Variants in THOC5 observed in about 807,000 individuals in gnomAD.
The protein encoded by THOC5 is THO complex subunit 5, also known as Fms-interacting protein.
Under a neutral mutation model 92.9 loss-of-function variants are expected in THOC5, and 43 were observed. The ratio of observed to expected loss-of-function variants is 0.46; its 90% CI spans 0.36 to 0.60. The LOEUF is 0.60. Among genes scored for constraint, THOC5 ranks in the 20% least tolerant of loss-of-function variants. The pLI is 0.00. For synonymous variants in THOC5, 296 were observed against 320.1 expected (o/e 0.92, Z 0.80); for missense variants, 659 against 849.4 (o/e 0.78, Z 2.79).
rs773830031 is a variant in THOC5, at chr22:29,519,046, C to A, written c.1449G>T (p.Val483=). 9 of 1,610,640 alleles carry A rather than the reference C, an allele frequency of 5.6e-6. No homozygotes were observed. Among genetic ancestry groups the A allele is most frequent in the Non-Finnish European group, 7.6e-6 (9 of 1,178,496 alleles). Residue 483 remains valine (V), a synonymous_variant, in exon 15 of 20, where the codon GTG becomes GTT. Coordinates refer to ENST00000490103, the MANE Select transcript of THOC5 (RefSeq NM_003678.5). Reference sequence around the variant, plus strand: ...GTTTGTGGAGGGCCAGGCGGGACTGCACCCTGGTCTTCAGAAGTTTCATGG... The same window carrying A: ...GTTTGTGGAGGGCCAGGCGGGACTGAACCCTGGTCTTCAGAAGTTTCATGG... The part of the protein sequence containing the change: ...ETTMKLLKTR[V]QSRLALHKQF...
chr22:29,516,320 AAG>A (rs1287322583), intron 17 of THOC5, among the ~76,000 whole-genome samples: 1 of 152,206 alleles, frequency 6.6e-6, no homozygotes, highest in African/African-American at 2.4e-5. Flanking sequence ...GAAGAATAGA[AAG>A]AGAAGAAAGT....
intron 2 of THOC5, among the ~76,000 whole-genome samples, chr22:29,545,474 C>T (rs1252031721): frequency 6.6e-6 from 1 of 152,150 alleles, no homozygotes; most frequent in East Asian, 1.9e-4. Flanking sequence ...AAGGCAAGCC[C>T]CTTCCGCCTA....
intron 19 of THOC5, among the ~76,000 whole-genome samples, chr22:29,510,005 C>T (rs1601371574): frequency 6.6e-6 from 1 of 152,184 alleles, no homozygotes; most frequent in South Asian, 2.1e-4. Flanking sequence ...TTCTTCCTTC[C>T]CAAACACTGC....
At chr22:29,533,859 T>C (rs1228174800) in intron 7 of THOC5, among the ~76,000 whole-genome samples, 1 of 152,212 alleles carries the variant, frequency 6.6e-6, no homozygotes, top group Non-Finnish European at 1.5e-5. Flanking sequence ...GTAAAACAAT[T>C]AGAACTTGCA....
At chr22:29,538,294 A>G (rs994858794) in intron 6 of THOC5, among the ~76,000 whole-genome samples, 1 of 152,112 alleles carries the variant, frequency 6.6e-6, no homozygotes, top group African/African-American at 2.4e-5. Flanking sequence ...AGCATTATTT[A>G]TGACAGCAAA....
intron 7 of THOC5, chr22:29,534,422 GTA>G (rs2063714237): frequency 6.6e-6 from 1 of 152,016 alleles, no homozygotes; most frequent in African/African-American, 2.4e-5. Flanking sequence ...ATGCTTTTCT[GTA>G]TAAAAAACTC....
chr22:29,552,524 G>C (rs1436702297), intron 1 of THOC5, among the ~76,000 whole-genome samples: 2 of 150,342 alleles, frequency 1.3e-5, no homozygotes, highest in Admixed American at 6.6e-5. Flanking sequence ...GCCCCGTCCG[G>C]GAGGTGGGGG....
chr22:29,533,390 G>C (rs2063694269), intron 7 of THOC5, among the ~76,000 whole-genome samples: 1 of 152,166 alleles, frequency 6.6e-6, no homozygotes, highest in African/African-American at 2.4e-5. Context: ...GCACTACAGA[G>C]CAGTGGAAAG....
chr22:29,525,295 A>C (rs2063521346), intron 12 of THOC5, among the ~76,000 whole-genome samples: 1 of 152,064 alleles, frequency 6.6e-6, no homozygotes, highest in African/African-American at 2.4e-5. Flanking sequence ...AGAAATTAAA[A>C]AAAGAACACT....
chr22:29,509,507 G>A (rs1460920461), intron 19 of THOC5, among the ~76,000 whole-genome samples: 1 of 151,810 alleles, frequency 6.6e-6, no homozygotes, highest in Non-Finnish European at 1.5e-5. Flanking sequence ...CTCAGAGCTG[G>A]AACTGGTTAT....
intron 1 of THOC5, among the ~76,000 whole-genome samples, chr22:29,549,384 G>A (rs767277694): frequency 2.0e-5 from 3 of 151,964 alleles, no homozygotes; most frequent in Admixed American, 6.6e-5. Context: ...CACTGACCTC[G>A]GAATCATCTA....
intron 6 of THOC5, among the ~76,000 whole-genome samples, chr22:29,537,943 T>C (rs1043687230): frequency 6.6e-6 from 1 of 152,200 alleles, no homozygotes; most frequent in Admixed American, 6.5e-5. Context: ...TCTTTATTCA[T>C]ATAGAAAAGT....
At chr22:29,549,698 A>G (rs2064102831) in intron 1 of THOC5, among the ~76,000 whole-genome samples, 1 of 152,176 alleles carries the variant, frequency 6.6e-6, no homozygotes, top group South Asian at 2.1e-4. Context: ...AAGACCCTTG[A>G]TGGTTTGTCC....
chr22:29,543,000 T>C, intron 4 of THOC5, 44 bp from the exon 5 acceptor site: 1 of 1,455,752 alleles, frequency 6.9e-7, no homozygotes, highest in Non-Finnish European at 9.6e-7. Context: ...CAAGTCAGGA[T>C]GGAGCAGAGG....
rs1355988173 is a variant in THOC5 at position 29,551,898 on chromosome 22, GCCT to G, written c.-12+1770_-12+1772del. ...TGGAACCTCTCTGCCTGATTCTCCT[GCCT>G]CAGCCTGCCGAGTGCCTGCAATTGC... On this transcript the variant is annotated intron_variant, in intron 1 of 19. Coordinates refer to ENST00000490103, the MANE Select transcript of THOC5 (RefSeq NM_003678.5). 7.4e-5 allele frequency among the ~76,000 whole-genome samples: 11 copies of G among 148,106 alleles called. No homozygotes were observed. In the East Asian group the frequency reaches 2.1e-3, roughly 28 times the overall value.
Position 29,521,041 on chromosome 22 carries a change from T to C in THOC5, c.1234A>G (p.Lys412Glu). 6.2e-7 allele frequency: 1 copy of C among 1,614,192 alleles called. No homozygotes were observed. The highest frequency in any genetic ancestry group is 1.1e-5 in the South Asian group (1 of 91,078). Reference protein sequence around the residue: ...SCLYPGDHGKKTPNPANQYQF... With the variant: ...SCLYPGDHGKETPNPANQYQF... ...TACTGATTGGCTGGATTCGGAGTTT[T>C]CTTTCCATGATCCCCAGGATACAAG... Residue 412 changes from lysine (K) to glutamate (E), a missense_variant, in exon 13 of 20, where the codon AAA becomes GAA. Transcript: ENST00000490103.
chr22:29,529,534 A>C (rs888036647), intron 8 of THOC5, among the ~76,000 whole-genome samples: 36 of 152,342 alleles, frequency 2.4e-4, no homozygotes, highest in Admixed American at 2.2e-3. Flanking sequence ...ACAGAAATTC[A>C]AACTGAGGGC....
At chr22:29,547,958 A>G (rs2064059386) in intron 2 of THOC5, among the ~76,000 whole-genome samples, 1 of 152,222 alleles carries the variant, frequency 6.6e-6, no homozygotes, top group Non-Finnish European at 1.5e-5. Flanking sequence ...CCTCAGGAAC[A>G]TGGCAGGAGG....
chr22:29,526,257 G>T (rs899316688), intron 11 of THOC5, among the ~76,000 whole-genome samples: 10 of 152,136 alleles, frequency 6.6e-5, no homozygotes, highest in African/African-American at 2.4e-4. Flanking sequence ...AATCGGCCAG[G>T]CGCGGTGGCT....
Sources: gnomAD v4.1 joint callset for allele counts (sites outside exome capture counted in the v4.1 genomes callset) on GRCh38, gnomAD v4.1.1 for gene constraint, MANE v1.5 for transcripts, NCBI Gene and HGNC (gene_info 2026-07-23, HGNC 2026-07-21) for gene names.